CDK15: variants seen among roughly 807,000 people sequenced by gnomAD.
CDK15 encodes cyclin-dependent kinase 15.
CDK15 carries 62 observed loss-of-function variants against 60.3 expected under a neutral mutation model. The observed-to-expected ratio is 1.03, with a 90% confidence interval of 0.84 to 1.27. The LOEUF is 1.27. CDK15 is among the 50% of genes most tolerant of loss of function. The pLI, the probability that CDK15 is intolerant of heterozygous loss-of-function variation, is 0.00. For synonymous variants in CDK15, 194 were observed against 195.7 expected (o/e 0.99, Z 0.07); for missense variants, 541 against 527.8 (o/e 1.03, Z -0.25).
At chr2:201,888,883 A>C in intron 12 of CDK15, 1 of 1,039,358 alleles carries the variant, frequency 9.6e-7, no homozygotes, top group South Asian at 3.8e-5. Flanking sequence ...TTTGAGAATA[A>C]TTGGTAAAGT....
At chr2:201,860,678 G>A (rs1305110750) in intron 10 of CDK15, 7 of 1,348,768 alleles carry the variant, frequency 5.2e-6, no homozygotes, top group Non-Finnish European at 5.9e-6. Flanking sequence ...TACCATAAGC[G>A]ACAGGCCAAG....
chr2:201,809,611 G>C (rs375749360), intron 3 of CDK15, among the ~76,000 whole-genome samples: 4 of 151,934 alleles, frequency 2.6e-5, no homozygotes, highest in Non-Finnish European at 5.9e-5. Flanking sequence ...AAAACTCTAC[G>C]TTAGAGAATT....
At chr2:201,880,981 C>G (rs893518260) in intron 12 of CDK15, among the ~76,000 whole-genome samples, 2 of 152,142 alleles carry the variant, frequency 1.3e-5, no homozygotes. Context: ...GAGAAGCAGC[C>G]AGGGTTGGTT....
At chr2:201,868,529 ACT>A in intron 10 of CDK15, among the ~76,000 whole-genome samples, 1 of 152,206 alleles carries the variant, frequency 6.6e-6, no homozygotes, top group Admixed American at 6.5e-5. Context: ...GGCATTTTGC[ACT>A]CATTATTTCA....
intron 10 of CDK15, among the ~76,000 whole-genome samples, chr2:201,856,315 GAACC>G (rs1258296298): frequency 6.6e-6 from 1 of 152,164 alleles, no homozygotes; most frequent in Non-Finnish European, 1.5e-5. Flanking sequence ...CTGGCATCTT[GAACC>G]ACCAGGATTA....
In CDK15 at chr2:201,812,533, A is replaced by G. The variant is rs1695821673; in HGVS notation, c.419A>G (p.Glu140Gly). 6.2e-7 allele frequency: 1 copy of G among 1,613,060 alleles called. No homozygotes were observed. The highest frequency in any genetic ancestry group is 1.3e-5 in the African/African-American group (1 of 74,898). ...AAAGTCATCAGCATGAATGCAGAGG[A>G]AGGAGTCCCATTTACAGCTATCCGA... is the stretch of plus-strand genomic sequence containing the variant. ...ALKVISMNAE[E>G]GVPFTAIREA... Residue 140 changes from glutamate (E) to glycine (G), a missense_variant, in exon 4 of 14, where the codon GAA becomes GGA. By Grantham distance (98) the Glu-to-Gly change is moderately conservative. Coordinates refer to ENST00000652192, the MANE Select transcript of CDK15 (RefSeq NM_001366386.2).
Position 201,806,686 on chromosome 2 carries a change from A to G in CDK15, c.22A>G (p.Lys8Glu), listed in dbSNP as rs767300371. Reference sequence around the variant, plus strand: ...GATTATGGGTCAAGAGCTGTGTGCAAAGACTGTACAGCCTGGATGCAGCTG... The same window carrying G: ...GATTATGGGTCAAGAGCTGTGTGCAGAGACTGTACAGCCTGGATGCAGCTG... MGQELCA[K>E]TVQPGCSCYH... is the part of the protein sequence containing the mutation. Residue 8 changes from lysine (K) to glutamate (E), a missense_variant, in exon 1 of 14, where the codon AAG becomes GAG. Coordinates refer to ENST00000652192, the MANE Select transcript of CDK15 (RefSeq NM_001366386.2). 2 of 1,597,034 alleles carry G rather than the reference A, an allele frequency of 1.3e-6. No homozygotes were observed. Among genetic ancestry groups the G allele is most frequent in the South Asian group, 1.1e-5 (1 of 90,578 alleles).
intron 10 of CDK15, among the ~76,000 whole-genome samples, chr2:201,869,565 A>C (rs2105813504): frequency 6.6e-6 from 1 of 152,264 alleles, no homozygotes; most frequent in African/African-American, 2.4e-5. Context: ...CAGAAAAAAA[A>C]AGAAAGAAAA....
chr2:201,854,933 T>C lies in CDK15; in HGVS notation c.1005T>C (p.Asn335=), dbSNP rs1240054094. ...WPGVSKLPNY[N]PEWFPLPTPR... ...GAGTCTCCAAGCTACCTAACTACAA[T>C]CCAGGTAATATTGATCTGAGCTTCT... Residue 335 remains asparagine, a synonymous_variant, in exon 10 of 14, where the codon AAT becomes AAC. Transcript: ENST00000652192. 2 of 1,613,828 alleles carry C rather than the reference T, an allele frequency of 1.2e-6. No homozygotes were observed. The highest frequency in any genetic ancestry group is 2.2e-5 in the South Asian group (2 of 91,070).
rs938358202 is a variant in CDK15, at chr2:201,870,576, C to CA, written c.1010-1694dup. 1.4e-4 allele frequency among the ~76,000 whole-genome samples: 20 copies of CA among 147,186 alleles called. 1 individual carries two copies. The highest frequency in any genetic ancestry group is 2.7e-4 in the African/African-American group (11 of 40,184). ...AAATAAATTAAAAAACAAAACAAAA[C>CA]AAAAAAAACAGACGTGGTGGTGTAT... On this transcript the variant is annotated intron_variant, in intron 10 of 13. Coordinates refer to ENST00000652192, the MANE Select transcript of CDK15 (RefSeq NM_001366386.2).
chr2:201,892,573 A>G (rs958125506), intron 13 of CDK15, among the ~76,000 whole-genome samples: 1 of 152,254 alleles, frequency 6.6e-6, no homozygotes, highest in African/African-American at 2.4e-5. Context: ...AGAAGGGAGA[A>G]GGCAGATTTT....
rs564844800 is a variant in CDK15 at position 201,824,518 on chromosome 2, T to A, written c.606+791T>A. 2.5e-4 allele frequency: 59 copies of A among 234,512 alleles called. 1 individual carries two copies. The highest frequency in any genetic ancestry group is 1.2e-3 in the African/African-American group (54 of 43,832). The allele number at this position is 234,512 out of a possible 1,614,324, so 14.5% of individuals were successfully genotyped here. A position where few individuals can be genotyped will look rare whatever the true frequency, so the allele number is the denominator to read the frequency against. On this transcript the variant is annotated intron_variant, in intron 6 of 13. Transcript: ENST00000652192. ...AACTTAAATAGGCAGTGAGGGCCAG[T>A]CTTCAAGCAACAGCAATGCAAGATG...
At chr2:201,868,630 T>C (rs1698728224) in intron 10 of CDK15, among the ~76,000 whole-genome samples, 1 of 151,758 alleles carries the variant, frequency 6.6e-6, no homozygotes, top group African/African-American at 2.4e-5. Flanking sequence ...TTTTGCAATC[T>C]ACTCATCTGA....
chr2:201,827,609 T>C (rs1696565427), intron 6 of CDK15, among the ~76,000 whole-genome samples: 1 of 151,418 alleles, frequency 6.6e-6, no homozygotes, highest in Non-Finnish European at 1.5e-5. Context: ...CACTTAAGTG[T>C]TTGTTTGTTT....
At chr2:201,813,392 G>A (rs1695859015) in intron 4 of CDK15, among the ~76,000 whole-genome samples, 1 of 152,140 alleles carries the variant, frequency 6.6e-6, no homozygotes, top group African/African-American at 2.4e-5. Context: ...TTTATTGCAT[G>A]AGCCATTTGA....
At position 201,812,044 on chromosome 2, in the gene CDK15, G is replaced by T. The variant is rs574881532; in HGVS notation, c.369-439G>T. Among the ~76,000 whole-genome samples, 476 of 151,840 alleles carry T rather than the reference G, an allele frequency of 3.1e-3. 4 individuals are homozygous for T. The highest frequency in any genetic ancestry group is 3.5e-3 in the Non-Finnish European group (240 of 67,916). ...CAAAAATTAGCCAGGTGTGGTGGGG[G>T]TCCCCTGTAATCCCAGCTTCTTGGG... is the stretch of plus-strand genomic sequence containing the variant. On this transcript the variant is annotated intron_variant, in intron 3 of 13. Transcript: ENST00000652192.
chr2:201,835,990 ATT>A (rs1451454249), intron 8 of CDK15, among the ~76,000 whole-genome samples: 19 of 24,382 alleles, frequency 7.8e-4, no homozygotes, highest in East Asian at 0.056. Flanking sequence ...ATTTTTATAT[ATT>A]TATATATATT....
chr2:201,809,229 G>A (rs1695646348), intron 3 of CDK15, among the ~76,000 whole-genome samples: 1 of 152,172 alleles, frequency 6.6e-6, no homozygotes, highest in South Asian at 2.1e-4. Context: ...GGATACATGG[G>A]CACCATGGAC....
chr2:201,863,246 C>T (rs1280954992), intron 10 of CDK15, among the ~76,000 whole-genome samples: 1 of 151,874 alleles, frequency 6.6e-6, no homozygotes, highest in African/African-American at 2.4e-5. Flanking sequence ...TATTTGGTGT[C>T]AATTATTAGT....
Sources: allele counts gnomAD v4.1 joint callset (sites outside exome capture counted in the v4.1 genomes callset), GRCh38; gene constraint gnomAD v4.1.1; transcripts MANE v1.5; gene names NCBI Gene and HGNC (gene_info 2026-07-23, HGNC 2026-07-21).